NTF3: variants seen among roughly 807,000 people sequenced by gnomAD.
The protein encoded by NTF3 is neurotrophin 3.
A neutral mutation model predicts 26.3 loss-of-function variants in NTF3; 8 were observed. The ratio of observed to expected loss-of-function variants is 0.30; its 90% CI spans 0.18 to 0.55. NTF3 has a LOEUF of 0.55. Among genes scored for constraint, NTF3 ranks in the 20% least tolerant of loss-of-function variants. The probability of loss-of-function intolerance (pLI) is 0.93; values close to 1 mark genes in which losing one functional copy is unlikely to be tolerated. For synonymous variants in NTF3, 154 were observed against 145.5 expected (o/e 1.06, Z -0.42); for missense variants, 276 against 352.9 (o/e 0.78, Z 1.75).
intron 1 of NTF3, among the ~76,000 whole-genome samples, chr12:5,478,933 G>A (rs1940755862): frequency 6.6e-6 from 1 of 152,162 alleles, no homozygotes; most frequent in African/African-American, 2.4e-5. Context: ...CCATTCGTTA[G>A]TGCCAAATTG....
At chr12:5,435,613 C>G (rs1940157887) in intron 1 of NTF3, among the ~76,000 whole-genome samples, 1 of 152,092 alleles carries the variant, frequency 6.6e-6, no homozygotes, top group Non-Finnish European at 1.5e-5. Flanking sequence ...GGGTGCTGCA[C>G]TTCAGGTCAG....
chr12:5,459,550 T>C (rs1422141305), intron 1 of NTF3, among the ~76,000 whole-genome samples: 1 of 152,232 alleles, frequency 6.6e-6, no homozygotes, highest in African/African-American at 2.4e-5. Context: ...ATTTCAATTA[T>C]CTTCAGGGAG....
chr12:5,447,642 C>T (rs968880548), intron 1 of NTF3, among the ~76,000 whole-genome samples: 1 of 152,192 alleles, frequency 6.6e-6, no homozygotes, highest in African/African-American at 2.4e-5. Flanking sequence ...TGCATAGGAT[C>T]GTGCTTGGCA....
chr12:5,450,981 C>T (rs1338755270), intron 1 of NTF3, among the ~76,000 whole-genome samples: 1 of 152,168 alleles, frequency 6.6e-6, no homozygotes, highest in Non-Finnish European at 1.5e-5. Flanking sequence ...GTGGTGGCAC[C>T]AAGCTTAGGA....
intron 1 of NTF3, among the ~76,000 whole-genome samples, chr12:5,434,183 G>A (rs985668560): frequency 6.6e-6 from 1 of 152,216 alleles, no homozygotes; most frequent in South Asian, 2.1e-4. Context: ...GAATGTGGAG[G>A]ATAAACTCCA....
intron 1 of NTF3, among the ~76,000 whole-genome samples, chr12:5,450,728 G>A (rs1978390): frequency 6.6e-6 from 1 of 152,242 alleles, no homozygotes; most frequent in African/African-American, 2.4e-5. Flanking sequence ...ACAAAGCAAC[G>A]GAAACTTCCA....
At chr12:5,484,562 A>T (rs1026767897) in intron 1 of NTF3, among the ~76,000 whole-genome samples, 2 of 152,146 alleles carry the variant, frequency 1.3e-5, no homozygotes, top group Non-Finnish European at 2.9e-5. Flanking sequence ...TAGCAGAAGG[A>T]TTCCTTAGCA....
At chr12:5,481,521 C>CAT (rs1940797182) in intron 1 of NTF3, among the ~76,000 whole-genome samples, 4 of 12,016 alleles carry the variant, frequency 3.3e-4, no homozygotes, top group African/African-American at 5.2e-4. Flanking sequence ...CACACATGCA[C>CAT]ACACACAGAC....
intron 1 of NTF3, among the ~76,000 whole-genome samples, chr12:5,473,195 G>A (rs1940686014): frequency 1.3e-5 from 2 of 152,154 alleles, no homozygotes; most frequent in Non-Finnish European, 2.9e-5. Context: ...TGCCTGCCCA[G>A]CCCTCCTCAG....
intron 1 of NTF3, among the ~76,000 whole-genome samples, chr12:5,438,421 G>C (rs555717983): frequency 1.3e-5 from 2 of 152,126 alleles, no homozygotes; most frequent in Admixed American, 1.3e-4. Context: ...CCGCAGCTTT[G>C]GTTGTCCTCA....
At position 5,432,199 on chromosome 12, in the gene NTF3, T is replaced by C. The variant is rs970461377; in HGVS notation, c.-126T>C. On this transcript the variant is annotated 5_prime_UTR_variant, in exon 1 of 2. Coordinates refer to ENST00000423158, the MANE Select transcript of NTF3 (RefSeq NM_001102654.2). ...CAACTACTTTCTTCTCTCTCCTTTC[T>C]TTCTTCCTCTCCTTTTTCCCCTGCT... The C allele has an allele frequency of 2.6e-6, 3 of 1,134,800 alleles. No individual in the cohort carries two copies. Among genetic ancestry groups the C allele is most frequent in the Non-Finnish European group, 4.0e-6 (3 of 752,014 alleles). The allele number at this position is 1,134,800 out of a possible 1,614,324, so 70.3% of individuals were successfully genotyped here.
chr12:5,474,558 G>T (rs974676281), intron 1 of NTF3, among the ~76,000 whole-genome samples: 1 of 152,162 alleles, frequency 6.6e-6, no homozygotes, highest in African/African-American at 2.4e-5. Flanking sequence ...AGGCACCCAG[G>T]AGCCAGACGA....
intron 1 of NTF3, among the ~76,000 whole-genome samples, chr12:5,455,635 A>G (rs1940436285): frequency 6.6e-6 from 1 of 151,340 alleles, no homozygotes; most frequent in Admixed American, 6.6e-5. Flanking sequence ...CCTCCAGGAT[A>G]GCCCACCTGC....
intron 1 of NTF3, 109 bp downstream of exon 1, chr12:5,432,451 C>T: frequency 2.5e-6 from 3 of 1,203,008 alleles, no homozygotes; most frequent in Admixed American, 1.9e-5. Context: ...CCGCATCCCG[C>T]CCCACCCCCA....
chr12:5,485,949 G>A (rs1172123197), intron 1 of NTF3, among the ~76,000 whole-genome samples: 2 of 152,178 alleles, frequency 1.3e-5, no homozygotes, highest in Admixed American at 1.3e-4. Context: ...GGGAACAGAG[G>A]GGAGAGACAC....
chr12:5,461,507 G>A (rs1044252188), intron 1 of NTF3, among the ~76,000 whole-genome samples: 8 of 152,136 alleles, frequency 5.3e-5, no homozygotes, highest in African/African-American at 1.9e-4. Context: ...CTCAAAACAG[G>A]CTGCACCGGC....
At chr12:5,490,439 T>C (rs1940920893) in intron 1 of NTF3, among the ~76,000 whole-genome samples, 2 of 152,220 alleles carry the variant, frequency 1.3e-5, no homozygotes, top group Admixed American at 6.5e-5. Flanking sequence ...AATGAAGCTC[T>C]CTGCAGATGA....
chr12:5,430,464 C>G (rs1163169617), upstream of NTF3, among the ~76,000 whole-genome samples: 1 of 151,356 alleles, frequency 6.6e-6, no homozygotes, highest in African/African-American at 2.4e-5. Flanking sequence ...TGCGAGGGAC[C>G]GCAGGAGGTG....
chr12:5,438,583 T>G (rs1274956476), intron 1 of NTF3, among the ~76,000 whole-genome samples: 1 of 152,150 alleles, frequency 6.6e-6, no homozygotes, highest in Non-Finnish European at 1.5e-5. Flanking sequence ...GTTTGTTCAG[T>G]CAGAGATTTG....
Sources: allele counts gnomAD v4.1 joint callset (sites outside exome capture counted in the v4.1 genomes callset), GRCh38; gene constraint gnomAD v4.1.1; transcripts MANE v1.5; gene names NCBI Gene and HGNC (gene_info 2026-07-23, HGNC 2026-07-21).